The following PCNX1 variants were observed in gnomAD, a reference collection of about 807,000 sequenced individuals.
PCNX1 encodes the protein pecanex 1, also known as pecanex-like protein 1.
PCNX1 carries 78 observed loss-of-function variants against 242.2 expected under a neutral mutation model. The observed-to-expected ratio is 0.32, with a 90% CI of 0.27 to 0.39. The LOEUF is 0.39. Ranked by LOEUF, PCNX1 falls within the 10% of genes least tolerant of loss-of-function variation. PCNX1 has a pLI of 1.00. For synonymous variants in PCNX1, 1,024 were observed against 1,032.9 expected, an observed-to-expected ratio of 0.99 and a Z score of 0.17; for missense variants, 2,581 against 2,856.5, an observed-to-expected ratio of 0.90 and a Z score of 2.20.
chr14:71,050,894 T>G, intron 23 of PCNX1, 134 bp downstream of exon 23: 1 of 834,354 alleles, frequency 1.2e-6, no homozygotes, highest in Middle Eastern at 3.8e-4. Flanking sequence ...CTTGGCCGGG[T>G]GCAGTGGCTC....
chr14:70,922,097 T>C (rs1011149814), intron 1 of PCNX1, among the ~76,000 whole-genome samples: 5 of 152,166 alleles, frequency 3.3e-5, no homozygotes, highest in African/African-American at 7.2e-5. Flanking sequence ...CTGAAGAAAT[T>C]GCTGAGTAAC....
Position 70,977,497 on chromosome 14 carries a change from G to A in PCNX1, c.1160G>A (p.Ser387Asn), listed in dbSNP as rs766540381. ...RSSGSTESYCSGTDRDTNSTV... is the reference protein window; with the variant it reads ...RSSGSTESYCNGTDRDTNSTV... The stretch of plus-strand genomic sequence containing the variant: ...AGTGGGTCAACAGAAAGCTACTGCA[G>A]TGGAACGGACCGGGACACTAACAGT... Residue 387 changes from serine (S) to asparagine (N), a missense_variant, in exon 6 of 36, where the codon AGT (serine) becomes AAT (asparagine). Ser to Asn is a conservative substitution (Grantham distance 46). Coordinates refer to ENST00000304743, the MANE Select transcript of PCNX1 (RefSeq NM_014982.3). 12 of 1,614,060 alleles carry A rather than the reference G, an allele frequency of 7.4e-6. No individual in the cohort carries two copies. The highest frequency in any genetic ancestry group is 5.3e-5 in the African/African-American group (4 of 74,926).
chr14:70,949,082 A>G (rs897569914), intron 2 of PCNX1, among the ~76,000 whole-genome samples: 2 of 148,540 alleles, frequency 1.3e-5, no homozygotes, highest in Non-Finnish European at 3.0e-5. Flanking sequence ...GTGTATATAT[A>G]CATGTGTATA....
intron 5 of PCNX1, among the ~76,000 whole-genome samples, chr14:70,970,264 G>T (rs1329383931): frequency 2.0e-5 from 3 of 151,934 alleles, no homozygotes; most frequent in Non-Finnish European, 4.4e-5. Context: ...TACTTGGGAG[G>T]CTGAGGTGGG....
At position 71,016,505 on chromosome 14, in the gene PCNX1, C is replaced by T. The variant is rs113016967; in HGVS notation, c.2997-2504C>T. ...ATAGTTCACATTTTGAGCCATAATA[C>T]GAGAGTTATTAAATTTTAAAAGGTC... On this transcript the variant is annotated intron_variant, in intron 11 of 35. Coordinates refer to ENST00000304743, the MANE Select transcript of PCNX1 (RefSeq NM_014982.3). 2.3e-4 allele frequency among the ~76,000 whole-genome samples: 35 copies of T among 152,116 alleles called. 3 individuals are homozygous for T. Among genetic ancestry groups the T allele is most frequent in the African/African-American group, 5.8e-4 (24 of 41,496 alleles).
At chr14:71,010,880 C>G (rs2059803662) in intron 9 of PCNX1, among the ~76,000 whole-genome samples, 1 of 152,046 alleles carries the variant, frequency 6.6e-6, no homozygotes, top group Admixed American at 6.5e-5. Flanking sequence ...ATATAGATAA[C>G]CATGCTCTTT....
In PCNX1 at chr14:71,091,465, T is replaced by C. The variant is rs966228811; in HGVS notation, c.5589+2123T>C. Among the ~76,000 whole-genome samples the C allele has an allele frequency of 2.6e-5, 4 of 152,234 alleles. No individual in the cohort carries two copies. In the South Asian group the frequency reaches 6.2e-4, roughly 24 times the overall value. ...TTGAACAACACAGGTTTGAACTGCA[T>C]AGCTACATTTATACACAGATTTTCT... On this transcript the variant is annotated intron_variant, in intron 30 of 35. Coordinates refer to ENST00000304743, the MANE Select transcript of PCNX1 (RefSeq NM_014982.3).
At chr14:71,087,944 T>C (rs938505269) in intron 28 of PCNX1, among the ~76,000 whole-genome samples, 4 of 151,964 alleles carry the variant, frequency 2.6e-5, no homozygotes, top group Non-Finnish European at 5.9e-5. Flanking sequence ...TGTCAAGTTA[T>C]GGTCAAAAAT....
intron 1 of PCNX1, among the ~76,000 whole-genome samples, chr14:70,917,852 A>G (rs972053057): frequency 6.6e-6 from 1 of 152,232 alleles, no homozygotes; most frequent in Admixed American, 6.5e-5. Flanking sequence ...AGGTTGTTTT[A>G]TCTACACCAA....
intron 2 of PCNX1, among the ~76,000 whole-genome samples, chr14:70,954,200 G>A (rs2057903041): frequency 6.6e-6 from 1 of 152,062 alleles, no homozygotes. Context: ...AGTCTCTATG[G>A]CATAAGCTAA....
At chr14:71,013,268 T>A in intron 11 of PCNX1, 66 bp downstream of exon 11, 1 of 1,226,560 alleles carries the variant, frequency 8.2e-7, no homozygotes, top group South Asian at 1.2e-5. Context: ...TGTCTTTAAT[T>A]ACCCACTGAG....
intron 2 of PCNX1, among the ~76,000 whole-genome samples, chr14:70,960,586 A>G (rs950633018): frequency 2.5e-4 from 38 of 152,036 alleles, no homozygotes; most frequent in African/African-American, 8.9e-4. Context: ...AACTGGAAGC[A>G]TTCCCTTTGA....
Position 71,109,079 on chromosome 14 carries a change from TTTGTTAC to T in PCNX1, c.6744+36_6744+42del, listed in dbSNP as rs1276353612. ...AGCCCAGAGGTGGTCTTGTGCTGTT[TTTGTTAC>T]TTATTTGTTTTTATTTCTTATTTGT... On this transcript the variant is annotated intron_variant, in intron 34 of 35. Transcript: ENST00000304743. 4.6e-6 allele frequency: 7 copies of T among 1,515,774 alleles called. No homozygotes were observed. The Admixed American group carries it at 1.4e-4, about 31-fold the overall frequency. The allele number at this position is 1,515,774 out of a possible 1,614,324, so 93.9% of individuals were successfully genotyped here. A position where few individuals can be genotyped will look rare whatever the true frequency, so the allele number is the denominator to read the frequency against.
chr14:70,913,400 A>G (rs572141354), intron 1 of PCNX1, among the ~76,000 whole-genome samples: 1 of 152,288 alleles, frequency 6.6e-6, no homozygotes, highest in African/African-American at 2.4e-5. Flanking sequence ...ATTACTGAAA[A>G]ATCAAATACA....
chr14:70,970,755 A>G (rs966920086), intron 5 of PCNX1, among the ~76,000 whole-genome samples: 1 of 152,192 alleles, frequency 6.6e-6, no homozygotes, highest in East Asian at 1.9e-4. Flanking sequence ...CAACTCTGCC[A>G]TTGTAGAGTG....
chr14:71,057,766 G>C (rs756790065), intron 26 of PCNX1, 42 bp downstream of exon 26: 2 of 1,302,306 alleles, frequency 1.5e-6, no homozygotes, highest in African/African-American at 2.9e-5. Context: ...GCATACTCCT[G>C]TGGCACCTTA....
At chr14:71,035,149 T>G (rs1391267801) in intron 18 of PCNX1, among the ~76,000 whole-genome samples, 2 of 152,116 alleles carry the variant, frequency 1.3e-5, no homozygotes, top group Non-Finnish European at 2.9e-5. Context: ...GGTTCTGAGC[T>G]CTAGTGTACA....
chr14:71,109,818 C>A lies in PCNX1; in HGVS notation c.6909C>A (p.Cys2303Ter). ...AGGTGATTCACCGATGGGTGCCTTGCAGCAGAGATCCAGGTACCAGATCCC... is the reference window on the plus strand; with the variant it reads ...AGGTGATTCACCGATGGGTGCCTTGAAGCAGAGATCCAGGTACCAGATCCC... ...EGHVIHRWVP[C>*]SRDPGTRSHI... The change falls in exon 36 of 36, where the codon TGC (cysteine) becomes TGA (stop). Residue 2303 changes from cysteine (C) to a stop codon, truncating the protein, a stop_gained. Transcript: ENST00000304743. LOFTEE classifies it high-confidence loss of function. 1 of 1,613,576 alleles carries A rather than the reference C, an allele frequency of 6.2e-7. No individual in the cohort carries two copies. The highest frequency in any genetic ancestry group is 8.5e-7 in the Non-Finnish European group (1 of 1,179,564).
chr14:70,944,834 G>A (rs1395875303), intron 1 of PCNX1, among the ~76,000 whole-genome samples: 2 of 152,204 alleles, frequency 1.3e-5, no homozygotes, highest in African/African-American at 4.8e-5. Context: ...AGAACTGATG[G>A]TTTTATAAGG....
Sources: gnomAD v4.1 joint callset for allele counts (sites outside exome capture counted in the v4.1 genomes callset) on GRCh38, gnomAD v4.1.1 for gene constraint, MANE v1.5 for transcripts, NCBI Gene and HGNC (gene_info 2026-07-23, HGNC 2026-07-21) for gene names.